FGFR1OP2: variants seen among roughly 807,000 people sequenced by gnomAD.
FGFR1OP2 encodes FGFR1 oncogene partner 2.
Under a neutral mutation model 35.2 loss-of-function variants are expected in FGFR1OP2, and 17 were observed. That is an observed-to-expected ratio of 0.48 (90% CI 0.33 to 0.73). The LOEUF (loss-of-function observed/expected upper bound fraction) is 0.73. Among genes scored for constraint, FGFR1OP2 ranks in the 30% least tolerant of loss-of-function variants. The pLI, the probability that FGFR1OP2 is intolerant of heterozygous loss-of-function variation, is 0.02. For synonymous variants in FGFR1OP2, 105 were observed against 104.6 expected, an observed-to-expected ratio of 1.00 and a Z score of -0.03; for missense variants, 251 against 307.3, an observed-to-expected ratio of 0.82 and a Z score of 1.37.
At chr12:26,939,586 C>G (rs1938681894) in intron 1 of FGFR1OP2, among the ~76,000 whole-genome samples, 1 of 152,194 alleles carries the variant, frequency 6.6e-6, no homozygotes, top group African/African-American at 2.4e-5. Context: ...CTCTATTTTA[C>G]CACCTGTCAA....
chr12:26,943,455 G>A (rs1042206174), intron 1 of FGFR1OP2, among the ~76,000 whole-genome samples: 2 of 109,234 alleles, frequency 1.8e-5, no homozygotes, highest in African/African-American at 7.6e-5. Flanking sequence ...TTTAGAATTA[G>A]CTTGTCAATT....
chr12:26,938,814 C>T (rs756235685), intron 1 of FGFR1OP2, 104 bp downstream of exon 1: 1 of 152,262 alleles, frequency 6.6e-6, no homozygotes, highest in African/African-American at 2.4e-5. Context: ...CCTCTTGAAC[C>T]ACCGGCGCCC....
intron 6 of FGFR1OP2, among the ~76,000 whole-genome samples, chr12:26,964,030 T>A (rs1939139495): frequency 6.6e-6 from 1 of 152,150 alleles, no homozygotes; most frequent in Non-Finnish European, 1.5e-5. Flanking sequence ...AGGTTATTGT[T>A]AAATGTCTAC....
At chr12:26,940,440 G>T (rs767137940) in intron 1 of FGFR1OP2, among the ~76,000 whole-genome samples, 1 of 152,146 alleles carries the variant, frequency 6.6e-6, no homozygotes, top group African/African-American at 2.4e-5. Context: ...TTCACATACA[G>T]CGATGTGCCT....
At chr12:26,954,976 T>G (rs559637363) in intron 2 of FGFR1OP2, among the ~76,000 whole-genome samples, 28 of 152,314 alleles carry the variant, frequency 1.8e-4, no homozygotes, top group African/African-American at 6.3e-4. Flanking sequence ...CAGCCAAATC[T>G]CCTCATCTAT....
intron 1 of FGFR1OP2, among the ~76,000 whole-genome samples, chr12:26,949,583 G>T (rs952933850): frequency 1.3e-5 from 2 of 150,970 alleles, no homozygotes; most frequent in Admixed American, 6.6e-5. Context: ...TCTGTTTGAG[G>T]TTTTTTTTGT....
intron 4 of FGFR1OP2, 21 bp downstream of exon 4, chr12:26,957,764 G>T: frequency 6.4e-7 from 1 of 1,565,570 alleles, no homozygotes; most frequent in Non-Finnish European, 8.6e-7. Flanking sequence ...CTATAAATGT[G>T]ACCTGAAATG....
At chr12:26,958,343 C>T (rs941150076) in intron 4 of FGFR1OP2, among the ~76,000 whole-genome samples, 6 of 152,122 alleles carry the variant, frequency 3.9e-5, no homozygotes, top group South Asian at 4.1e-4. Context: ...TCTAGACAAC[C>T]GAGTGAGACC....
At chr12:26,938,916 T>C (rs1358885980) in intron 1 of FGFR1OP2, among the ~76,000 whole-genome samples, 2 of 152,108 alleles carry the variant, frequency 1.3e-5, no homozygotes, top group African/African-American at 4.8e-5. Context: ...TTAATGGAGA[T>C]GCGGTGCGGA....
chr12:26,960,478 A>G, intron 4 of FGFR1OP2, 37 bp from the exon 5 acceptor site: 1 of 1,381,500 alleles, frequency 7.2e-7, no homozygotes, highest in East Asian at 2.3e-5. Context: ...ATTACGGATG[A>G]TATCCGTATT....
At chr12:26,940,348 T>G (rs1044186192) in intron 1 of FGFR1OP2, among the ~76,000 whole-genome samples, 1 of 152,236 alleles carries the variant, frequency 6.6e-6, no homozygotes, top group Admixed American at 6.5e-5. Flanking sequence ...TAAAAATTAA[T>G]TTTCTTCAGA....
chr12:26,951,452 T>C (rs1423731654), intron 1 of FGFR1OP2, among the ~76,000 whole-genome samples: 4 of 152,234 alleles, frequency 2.6e-5, no homozygotes, highest in Non-Finnish European at 4.4e-5. Context: ...CCTGAGTAGC[T>C]GGTATCACAG....
intron 5 of FGFR1OP2, chr12:26,962,145 T>C (rs1344250780): frequency 2.0e-5 from 3 of 152,210 alleles, no homozygotes; most frequent in Admixed American, 2.0e-4. Context: ...TTTTTAAAAA[T>C]GTATTGATTT....
chr12:26,952,087 CTTTT>C (rs34270981), intron 1 of FGFR1OP2, among the ~76,000 whole-genome samples: 1 of 117,200 alleles, frequency 8.5e-6, no homozygotes, highest in African/African-American at 3.3e-5. Context: ...AGTGCCCGTC[CTTTT>C]TTTTTTTTTT....
chr12:26,941,125 G>A (rs1040467320), intron 1 of FGFR1OP2, among the ~76,000 whole-genome samples: 7 of 151,316 alleles, frequency 4.6e-5, no homozygotes, highest in South Asian at 2.1e-4. Flanking sequence ...AAAAAAAAAA[G>A]AGATTCACCT....
intron 1 of FGFR1OP2, among the ~76,000 whole-genome samples, chr12:26,953,262 T>C (rs1448489161): frequency 1.1e-5 from 1 of 93,022 alleles, no homozygotes; most frequent in Non-Finnish European, 2.0e-5. Flanking sequence ...AGCGAGACTG[T>C]GTCTCCAAAA....
At position 26,964,861 on chromosome 12, in the gene FGFR1OP2, T is replaced by A; in HGVS notation, c.*128T>A. On this transcript the variant is annotated 3_prime_UTR_variant, in exon 7 of 7. Coordinates refer to ENST00000229395, the MANE Select transcript of FGFR1OP2 (RefSeq NM_015633.3). Reference sequence around the variant, plus strand: ...TATGTACAGTGCACGGGCTATGAGATAGCAACAAAAAATGCATAGTTAATG... The same window carrying A: ...TATGTACAGTGCACGGGCTATGAGAAAGCAACAAAAAATGCATAGTTAATG... The A allele has an allele frequency of 1.1e-6, 1 of 933,634 alleles. No individual in the cohort carries two copies. Among genetic ancestry groups the A allele is most frequent in the African/African-American group, 1.6e-5 (1 of 60,866 alleles). 57.8% of individuals were successfully genotyped at this position (933,634 alleles called of 1,614,324 possible).
At chr12:26,958,225 G>A (rs1758563163) in intron 4 of FGFR1OP2, among the ~76,000 whole-genome samples, 1 of 152,092 alleles carries the variant, frequency 6.6e-6, no homozygotes, top group South Asian at 2.1e-4. Context: ...GCCGGGTGTG[G>A]TAGCACATGC....
chr12:26,952,452 T>TA (rs1468463387), intron 1 of FGFR1OP2, among the ~76,000 whole-genome samples: 1 of 152,162 alleles, frequency 6.6e-6, no homozygotes, highest in South Asian at 2.1e-4. Context: ...TCCTGAATCT[T>TA]ACAAGACAAA....
Sources: allele counts gnomAD v4.1 joint callset (sites outside exome capture counted in the v4.1 genomes callset), GRCh38; gene constraint gnomAD v4.1.1; transcripts MANE v1.5; gene names NCBI Gene and HGNC (gene_info 2026-07-23, HGNC 2026-07-21).